Variants in ATP9B observed in about 807,000 individuals in gnomAD.
The protein encoded by ATP9B is ATPase phospholipid transporting 9B, also known as probable phospholipid-transporting ATPase IIB.
A neutral mutation model predicts 146.1 loss-of-function variants in ATP9B; 110 were observed. The ratio of observed to expected loss-of-function variants is 0.75; its 90% CI spans 0.65 to 0.88. The LOEUF (loss-of-function observed/expected upper bound fraction) is 0.88. ATP9B is among the 40% of genes least tolerant of loss of function. The pLI, the probability that ATP9B is intolerant of heterozygous loss-of-function variation, is 0.00. For synonymous variants in ATP9B, 604 were observed against 569.7 expected (o/e 1.06, Z -0.86); for missense variants, 1,499 against 1,496.4 (o/e 1.00, Z -0.03).
At chr18:79,181,434 A>G (rs1821082911) in intron 8 of ATP9B, among the ~76,000 whole-genome samples, 1 of 152,108 alleles carries the variant, frequency 6.6e-6, no homozygotes, top group South Asian at 2.1e-4. Flanking sequence ...CCTTCTGTCC[A>G]AACCCCTCTG....
intron 8 of ATP9B, among the ~76,000 whole-genome samples, chr18:79,185,880 G>A (rs2148052815): frequency 6.6e-6 from 1 of 152,244 alleles, no homozygotes; most frequent in Middle Eastern, 3.4e-3. Flanking sequence ...AGAGACCTAA[G>A]AACTCATCTG....
At chr18:79,142,837 G>A (rs1273246854) in intron 5 of ATP9B, among the ~76,000 whole-genome samples, 4 of 152,264 alleles carry the variant, frequency 2.6e-5, no homozygotes, top group Non-Finnish European at 2.9e-5. Flanking sequence ...TGCTTTAAGA[G>A]GTATTTGGGA....
chr18:79,165,499 A>T (rs1429406475), intron 7 of ATP9B, among the ~76,000 whole-genome samples: 1 of 152,262 alleles, frequency 6.6e-6, no homozygotes. Flanking sequence ...AATTGTCCCT[A>T]GTTGAAAACC....
At chr18:79,211,724 T>C (rs1359723140) in intron 10 of ATP9B, among the ~76,000 whole-genome samples, 6 of 152,250 alleles carry the variant, frequency 3.9e-5, no homozygotes, top group Admixed American at 1.3e-4. Context: ...TGATGAATAC[T>C]GGACCACCAT....
At chr18:79,272,979 G>T (rs574636041) in intron 12 of ATP9B, among the ~76,000 whole-genome samples, 1 of 152,322 alleles carries the variant, frequency 6.6e-6, no homozygotes, top group Non-Finnish European at 1.5e-5. Context: ...GGTTGAACTG[G>T]CAGGAGTTCT....
At chr18:79,360,208 T>G (rs1250976731) in intron 26 of ATP9B, 5 of 152,196 alleles carry the variant, frequency 3.3e-5, no homozygotes, top group Non-Finnish European at 5.9e-5. Flanking sequence ...TCATGGTAAC[T>G]CTGGTATTTT....
At chr18:79,258,549 G>T (rs1176278021) in intron 12 of ATP9B, among the ~76,000 whole-genome samples, 1 of 152,188 alleles carries the variant, frequency 6.6e-6, no homozygotes, top group Admixed American at 6.5e-5. Context: ...ATATGACTAT[G>T]CATATTTATA....
chr18:79,376,050 C>A, intron 29 of ATP9B: 1 of 985,116 alleles, frequency 1.0e-6, no homozygotes, highest in Non-Finnish European at 1.2e-6. Flanking sequence ...CGAGAACATT[C>A]TCTGGGTGGG....
chr18:79,316,684 T>C (rs1364864256), intron 15 of ATP9B, among the ~76,000 whole-genome samples: 1 of 151,990 alleles, frequency 6.6e-6, no homozygotes, highest in Non-Finnish European at 1.5e-5. Flanking sequence ...CCAGATGCCA[T>C]GTGCATCAAG....
intron 17 of ATP9B, among the ~76,000 whole-genome samples, chr18:79,335,750 A>G (rs2096821064): frequency 6.6e-6 from 1 of 152,202 alleles, no homozygotes; most frequent in Admixed American, 6.5e-5. Flanking sequence ...AGTTACATGC[A>G]CGTTAAAAAT....
chr18:79,355,994 G>C (rs1046300262), intron 25 of ATP9B, among the ~76,000 whole-genome samples: 1 of 152,190 alleles, frequency 6.6e-6, no homozygotes, highest in Admixed American at 6.5e-5. Flanking sequence ...GAAAGGAAAG[G>C]GGGTGTTGGC....
At chr18:79,352,512 G>T (rs1252123653) in intron 25 of ATP9B, 1 of 152,216 alleles carries the variant, frequency 6.6e-6, no homozygotes, top group Non-Finnish European at 1.5e-5. Flanking sequence ...CATTGGATAA[G>T]AAGCTGGGGA....
intron 15 of ATP9B, among the ~76,000 whole-genome samples, chr18:79,324,624 C>A (rs1461081161): frequency 6.6e-6 from 1 of 152,150 alleles, no homozygotes; most frequent in East Asian, 1.9e-4. Flanking sequence ...CCTGGAGGAC[C>A]AACAGGTGCT....
At chr18:79,112,446 G>GAAAACC (rs1262840743) in intron 3 of ATP9B, among the ~76,000 whole-genome samples, 4 of 152,072 alleles carry the variant, frequency 2.6e-5, no homozygotes, top group African/African-American at 4.8e-5. Flanking sequence ...TATTTAAAGT[G>GAAAACC]AAAACCAAAA....
chr18:79,101,539 G>A (rs960541102), intron 2 of ATP9B, among the ~76,000 whole-genome samples: 1 of 152,092 alleles, frequency 6.6e-6, no homozygotes, highest in African/African-American at 2.4e-5. Context: ...CATTTCTCTG[G>A]AATAAATGTC....
At chr18:79,335,530 T>C (rs539161767) in intron 17 of ATP9B, among the ~76,000 whole-genome samples, 1 of 152,360 alleles carries the variant, frequency 6.6e-6, no homozygotes, top group Admixed American at 6.5e-5. Flanking sequence ...ATTGCAGGCA[T>C]TTCCATGTCT....
chr18:79,191,777 G>A (rs780529404), intron 8 of ATP9B, among the ~76,000 whole-genome samples: 8 of 152,172 alleles, frequency 5.3e-5, no homozygotes, highest in Non-Finnish European at 1.0e-4. Flanking sequence ...TAATGCTGAA[G>A]TTTGACCATC....
chr18:79,345,825 G>A lies in ATP9B; in HGVS notation c.2668G>A (p.Gly890Arg), dbSNP rs1204751521. ...GATTCAGGCAGCAGACTGTGGGATTGGGATTGAGGGAAAGGTAGGTTCGCC... is the reference window on the plus strand; with the variant it reads ...GATTCAGGCAGCAGACTGTGGGATTAGGATTGAGGGAAAGGTAGGTTCGCC... ...SMIQAADCGI[G>R]IEGKEGKQAS... Residue 890 changes from glycine (G) to arginine (R), a missense_variant, in exon 23 of 30, where the codon GGG (glycine) becomes AGG (arginine). By Grantham distance (125) the Gly-to-Arg change is moderately radical. Coordinates refer to ENST00000426216, the MANE Select transcript of ATP9B (RefSeq NM_198531.5). The A allele has an allele frequency of 1.2e-6, 2 of 1,614,132 alleles. No homozygotes were observed. The highest frequency in any genetic ancestry group is 1.3e-5 in the African/African-American group (1 of 74,946).
At chr18:79,232,225 C>G (rs2095799734) in intron 11 of ATP9B, among the ~76,000 whole-genome samples, 1 of 152,198 alleles carries the variant, frequency 6.6e-6, no homozygotes, top group Non-Finnish European at 1.5e-5. Context: ...CTGAGAAACA[C>G]TTGTGAAGGG....
Sources: allele counts gnomAD v4.1 joint callset (sites outside exome capture counted in the v4.1 genomes callset), GRCh38; gene constraint gnomAD v4.1.1; transcripts MANE v1.5; gene names NCBI Gene and HGNC (gene_info 2026-07-23, HGNC 2026-07-21).